Variants in RPH3A observed in about 807,000 individuals in gnomAD.
The protein encoded by RPH3A is rabphilin-3A.
RPH3A carries 48 observed loss-of-function variants against 102.2 expected under a neutral mutation model. The observed-to-expected ratio is 0.47, with a 90% CI of 0.37 to 0.60. RPH3A has a LOEUF of 0.60. Ranked by LOEUF, RPH3A falls within the 20% of genes least tolerant of loss-of-function variation. The probability of loss-of-function intolerance (pLI) is 0.00; values close to 1 mark genes in which losing one functional copy is unlikely to be tolerated. For synonymous variants in RPH3A, 310 were observed against 324.3 expected (o/e 0.96, Z 0.47); for missense variants, 781 against 910.1 (o/e 0.86, Z 1.83).
At chr12:112,654,368 T>C (rs1468310518) in intron 1 of RPH3A, among the ~76,000 whole-genome samples, 4 of 152,026 alleles carry the variant, frequency 2.6e-5, no homozygotes, top group Non-Finnish European at 5.9e-5. Flanking sequence ...TCTTGGGGAT[T>C]CTTTTCCTTC....
intron 1 of RPH3A, among the ~76,000 whole-genome samples, chr12:112,709,549 C>CA (rs369557001): frequency 0.31 from 40,092 of 128,204 alleles, 5,845 homozygotes; most frequent in South Asian, 0.46. Context: ...AACCCTGTCT[C>CA]AAAAAAAAAA....
At chr12:112,778,597 T>C (rs562495511) in intron 1 of RPH3A, among the ~76,000 whole-genome samples, 5 of 152,048 alleles carry the variant, frequency 3.3e-5, no homozygotes, top group Admixed American at 2.0e-4. Flanking sequence ...TATGGAAAAG[T>C]GTGGGGGCTT....
intron 4 of RPH3A, among the ~76,000 whole-genome samples, chr12:112,844,168 C>T (rs1172982619): frequency 1.3e-5 from 2 of 152,184 alleles, no homozygotes; most frequent in African/African-American, 4.8e-5. Flanking sequence ...GTGGGCAGGA[C>T]CTGAGCCTTG....
At chr12:112,721,019 C>T (rs1223009779) in intron 1 of RPH3A, among the ~76,000 whole-genome samples, 2 of 152,156 alleles carry the variant, frequency 1.3e-5, no homozygotes. Context: ...ATGACTTAGC[C>T]TCTTTAAACT....
chr12:112,698,264 G>A (rs1389897543), intron 1 of RPH3A, among the ~76,000 whole-genome samples: 1 of 152,080 alleles, frequency 6.6e-6, no homozygotes, highest in Non-Finnish European at 1.5e-5. Context: ...GCTCAAAATG[G>A]ATCAGAAACC....
chr12:112,875,359 G>A (rs1398058770), intron 11 of RPH3A, among the ~76,000 whole-genome samples, 189 bp downstream of exon 11: 3 of 152,126 alleles, frequency 2.0e-5, no homozygotes, highest in African/African-American at 7.2e-5. Context: ...GGAGTGGGAG[G>A]AGGAGGCAGG....
At chr12:112,734,932 G>C (rs904897055) in intron 1 of RPH3A, among the ~76,000 whole-genome samples, 4 of 152,232 alleles carry the variant, frequency 2.6e-5, no homozygotes, top group African/African-American at 9.6e-5. Flanking sequence ...TTATCAGCAA[G>C]GACTTCGTGA....
intron 1 of RPH3A, among the ~76,000 whole-genome samples, chr12:112,726,094 C>T (rs1565861889): frequency 7.1e-6 from 1 of 140,476 alleles, no homozygotes; most frequent in Non-Finnish European, 1.6e-5. Context: ...CGCACCCAGC[C>T]TTTTTTTTCG....
intron 4 of RPH3A, among the ~76,000 whole-genome samples, chr12:112,841,707 G>GTTTTTTTTTTT (rs761403652): frequency 6.9e-6 from 1 of 145,012 alleles, no homozygotes; most frequent in African/African-American, 2.5e-5. Flanking sequence ...TGTTTTTTTG[G>GTTTTTTTTTTT]TTTTTTTTTT....
At chr12:112,794,769 G>C (rs777661396) in intron 2 of RPH3A, among the ~76,000 whole-genome samples, 2 of 152,180 alleles carry the variant, frequency 1.3e-5, no homozygotes, top group Non-Finnish European at 2.9e-5. Context: ...CACACAGTAA[G>C]TTATGGCAGC....
At position 112,868,413 on chromosome 12, in the gene RPH3A, T is replaced by C. The variant is rs747174215; in HGVS notation, c.445-17T>C. 2.1e-5 allele frequency: 33 copies of C among 1,608,766 alleles called. No individual in the cohort carries two copies. The highest frequency in any genetic ancestry group is 2.7e-5 in the Non-Finnish European group (32 of 1,176,018). On this transcript the variant is annotated splice_polypyrimidine_tract_variant and intron_variant, in intron 7 of 21. Transcript: ENST00000389385. ...GCTTGGCTGCCACATCTTCAATCCC[T>C]GTCTCTCCTCCCCAAGGTGTGGAAG...
At chr12:112,885,535 C>CT (rs1335463909) in intron 16 of RPH3A, among the ~76,000 whole-genome samples, 1 of 152,154 alleles carries the variant, frequency 6.6e-6, no homozygotes, top group East Asian at 1.9e-4. Context: ...GTTATTTCTG[C>CT]TTTTTTCATA....
At chr12:112,600,464 T>G (rs144924605) in intron 1 of RPH3A, among the ~76,000 whole-genome samples, 8 of 152,322 alleles carry the variant, frequency 5.3e-5, no homozygotes, top group Non-Finnish European at 1.0e-4. Flanking sequence ...TCCATCCTAC[T>G]CTGGTCTCCT....
At chr12:112,580,567 CTAATT>C (rs2039393396) in intron 1 of RPH3A, among the ~76,000 whole-genome samples, 1 of 151,828 alleles carries the variant, frequency 6.6e-6, no homozygotes. Flanking sequence ...CCACGCCCGG[CTAATT>C]TTTTTTTGTA....
At chr12:112,858,684 T>C (rs2042456413) in intron 5 of RPH3A, among the ~76,000 whole-genome samples, 1 of 152,234 alleles carries the variant, frequency 6.6e-6, no homozygotes, top group Non-Finnish European at 1.5e-5. Context: ...TTGCTACCGT[T>C]GGATCCTCAC....
At chr12:112,881,038 A>G (rs1338796062) in intron 14 of RPH3A, among the ~76,000 whole-genome samples, 2 of 152,092 alleles carry the variant, frequency 1.3e-5, no homozygotes, top group Admixed American at 6.5e-5. Context: ...ATATAAGTGG[A>G]CCCACACAGT....
intron 1 of RPH3A, among the ~76,000 whole-genome samples, chr12:112,616,739 C>T (rs1383225466): frequency 2.6e-5 from 4 of 152,244 alleles, no homozygotes; most frequent in African/African-American, 9.6e-5. Flanking sequence ...CCTTTCCTTT[C>T]TCACCTGATC....
At chr12:112,662,432 G>C (rs1312788738) in intron 1 of RPH3A, among the ~76,000 whole-genome samples, 2 of 152,114 alleles carry the variant, frequency 1.3e-5, no homozygotes, top group Non-Finnish European at 2.9e-5. Flanking sequence ...TCCATTTATA[G>C]ATCAGGAACC....
chr12:112,645,859 A>C (rs2039926108), intron 1 of RPH3A, among the ~76,000 whole-genome samples: 1 of 152,170 alleles, frequency 6.6e-6, no homozygotes, highest in Non-Finnish European at 1.5e-5. Context: ...GCCGGTAGAC[A>C]GCCATAGGAG....
Sources: allele counts gnomAD v4.1 joint callset (sites outside exome capture counted in the v4.1 genomes callset), GRCh38; gene constraint gnomAD v4.1.1; transcripts MANE v1.5; gene names NCBI Gene and HGNC (gene_info 2026-07-23, HGNC 2026-07-21).